Variants in GNG2 observed in about 807,000 individuals in gnomAD.
GNG2 encodes the protein G protein subunit gamma 2.
Under a neutral mutation model 5.5 loss-of-function variants are expected in GNG2, and 5 were observed. The ratio of observed to expected loss-of-function variants is 0.91; its 90% CI spans 0.48 to 1.92. The LOEUF is 1.92. GNG2 is among the 30% of genes most tolerant of loss of function. The pLI is 0.01. For synonymous variants in GNG2, 28 were observed against 32.0 expected, an observed-to-expected ratio of 0.88 and a Z score of 0.42; for missense variants, 55 against 88.4, an observed-to-expected ratio of 0.62 and a Z score of 1.52.
intron 2 of GNG2, among the ~76,000 whole-genome samples, chr14:51,934,536 C>G (rs901898314): frequency 6.6e-6 from 1 of 152,144 alleles, no homozygotes; most frequent in Non-Finnish European, 1.5e-5. Flanking sequence ...TTTATCTCAG[C>G]ACTCTCACTT....
At chr14:51,914,030 T>C (rs1886454283) in intron 2 of GNG2, 3 of 522,930 alleles carry the variant, frequency 5.7e-6, no homozygotes. Context: ...CCATGTGTGC[T>C]TAAAACTGGG....
intron 2 of GNG2, among the ~76,000 whole-genome samples, chr14:51,830,321 C>T (rs563756138): frequency 1.3e-5 from 2 of 152,260 alleles, no homozygotes; most frequent in South Asian, 2.1e-4. Flanking sequence ...TCTATCCATA[C>T]CCCCTTATTG....
At chr14:51,934,147 A>G (rs1887824935) in intron 2 of GNG2, among the ~76,000 whole-genome samples, 1 of 151,964 alleles carries the variant, frequency 6.6e-6, no homozygotes, top group Admixed American at 6.6e-5. Flanking sequence ...TAGGCCACGG[A>G]CTCCAGGCCT....
At chr14:51,951,938 T>C in intron 3 of GNG2, 1 of 700,376 alleles carries the variant, frequency 1.4e-6, no homozygotes, top group South Asian at 1.5e-5. Context: ...CATCTGTGCG[T>C]TCCCAACACC....
intron 2 of GNG2, among the ~76,000 whole-genome samples, chr14:51,900,383 C>T (rs1040368317): frequency 6.6e-6 from 1 of 151,868 alleles, no homozygotes; most frequent in Non-Finnish European, 1.5e-5. Context: ...GTGAAAAAAC[C>T]TGGTTTCAGG....
chr14:51,886,359 C>T (rs1423333356), intron 2 of GNG2, among the ~76,000 whole-genome samples: 1 of 152,184 alleles, frequency 6.6e-6, no homozygotes, highest in African/African-American at 2.4e-5. Context: ...CTCTACTCCT[C>T]ATCTAGCCAT....
At chr14:51,927,287 G>T (rs930315821) in intron 2 of GNG2, among the ~76,000 whole-genome samples, 1 of 152,148 alleles carries the variant, frequency 6.6e-6, no homozygotes, top group Non-Finnish European at 1.5e-5. Flanking sequence ...GGTTCTTGAT[G>T]TCATTGCTTC....
chr14:51,844,685 C>T (rs545536510), intron 2 of GNG2, among the ~76,000 whole-genome samples: 2 of 152,294 alleles, frequency 1.3e-5, no homozygotes, highest in African/African-American at 4.8e-5. Context: ...CAGCTGGAGG[C>T]ACCACACCAT....
In GNG2 at chr14:51,957,392, C is replaced by G. The variant is rs1211227192; in HGVS notation, c.87+6627C>G. On this transcript the variant is annotated intron_variant, in intron 3 of 3. Coordinates refer to ENST00000556766, the MANE Select transcript of GNG2 (RefSeq NM_053064.5). Reference sequence around the variant, plus strand: ...ATGACTTTGAAAAAAGTATCTATATCCACCATCTCTAATTTCTCTTTTCCT... The same window carrying G: ...ATGACTTTGAAAAAAGTATCTATATGCACCATCTCTAATTTCTCTTTTCCT... Among the ~76,000 whole-genome samples the G allele has an allele frequency of 5.9e-5, 9 of 152,124 alleles. No homozygotes were observed. In the East Asian group the frequency reaches 1.7e-3, roughly 29 times the overall value.
chr14:51,933,538 A>C (rs1887783134), intron 2 of GNG2, among the ~76,000 whole-genome samples: 1 of 152,134 alleles, frequency 6.6e-6, no homozygotes, highest in Admixed American at 6.5e-5. Flanking sequence ...GAGATATTTT[A>C]GTTGTTTATA....
At chr14:51,846,361 G>C (rs991024919) in intron 2 of GNG2, among the ~76,000 whole-genome samples, 7 of 152,038 alleles carry the variant, frequency 4.6e-5, no homozygotes, top group Non-Finnish European at 8.8e-5. Context: ...TATAAACCTG[G>C]ATTAATCAAT....
At chr14:51,947,327 C>T (rs954627853) in intron 2 of GNG2, among the ~76,000 whole-genome samples, 1 of 152,132 alleles carries the variant, frequency 6.6e-6, no homozygotes, top group African/African-American at 2.4e-5. Flanking sequence ...GGTTGTTAAT[C>T]AGCTGACTTA....
intron 3 of GNG2, 121 bp downstream of exon 3, chr14:51,950,886 A>G (rs1367863790): frequency 1.4e-5 from 7 of 491,898 alleles, no homozygotes; most frequent in Non-Finnish European, 2.5e-5. Context: ...AAGATTAGGC[A>G]GAAGTTCATT....
In GNG2 at chr14:51,843,156, G is replaced by A. The variant is rs536620398; in HGVS notation, c.64+15349G>A. ...AATGCTCTCCTTTCCGTAAATCATAGGAAAGGTCTTCAGGGGAGAGGGAAG... is the reference window on the plus strand; with the variant it reads ...AATGCTCTCCTTTCCGTAAATCATAAGAAAGGTCTTCAGGGGAGAGGGAAG... On this transcript the variant is annotated intron_variant, in intron 2 of 3. Transcript: ENST00000553432. 2.6e-5 allele frequency among the ~76,000 whole-genome samples: 4 copies of A among 152,266 alleles called. No homozygotes were observed. The South Asian group carries it at 8.3e-4, about 32-fold the overall frequency.
intron 2 of GNG2, among the ~76,000 whole-genome samples, chr14:51,854,623 G>T (rs1882065142): frequency 2.9e-5 from 2 of 68,594 alleles, no homozygotes; most frequent in Admixed American, 2.7e-4. Context: ...CAATTTTCCT[G>T]CCTCAGCTCC....
chr14:51,860,240 A>G (rs1882371390), upstream of GNG2, among the ~76,000 whole-genome samples: 1 of 151,866 alleles, frequency 6.6e-6, no homozygotes, highest in South Asian at 2.1e-4. Flanking sequence ...CAGCAGCAGC[A>G]GTAGAAACAA....
intron 3 of GNG2, among the ~76,000 whole-genome samples, chr14:51,964,416 A>C (rs139992873): frequency 6.6e-6 from 1 of 152,202 alleles, no homozygotes; most frequent in East Asian, 1.9e-4. Flanking sequence ...CTTTGTGTCA[A>C]TTAGGGTTGG....
chr14:51,875,345 A>C (rs1050383750), intron 1 of GNG2, among the ~76,000 whole-genome samples: 1 of 152,172 alleles, frequency 6.6e-6, no homozygotes, highest in Non-Finnish European at 1.5e-5. Context: ...TACACATACC[A>C]CTTTTGATGC....
intron 1 of GNG2, among the ~76,000 whole-genome samples, chr14:51,866,796 T>G (rs1045271701): frequency 1.3e-5 from 2 of 152,222 alleles, no homozygotes; most frequent in Non-Finnish European, 2.9e-5. Context: ...CTAATACCAT[T>G]GCACTGGGGA....
Sources: allele counts gnomAD v4.1 joint callset (sites outside exome capture counted in the v4.1 genomes callset), GRCh38; gene constraint gnomAD v4.1.1; transcripts MANE v1.5; gene names NCBI Gene and HGNC (gene_info 2026-07-23, HGNC 2026-07-21).